Variants in ST7 observed in about 807,000 individuals in gnomAD.
ST7 encodes the protein suppressor of tumorigenicity 7 protein.
Under a neutral mutation model 78.7 loss-of-function variants are expected in ST7, and 28 were observed. That is an observed-to-expected ratio of 0.36 (90% confidence interval 0.26 to 0.49). ST7 has a LOEUF of 0.49. Among genes scored for constraint, ST7 ranks in the 20% least tolerant of loss-of-function variants. The pLI is 0.99. For missense variants in ST7, 418 were observed against 696.0 expected (o/e 0.60, Z 4.49); for synonymous variants, 247 against 249.6 (o/e 0.99, Z 0.10).
intron 15 of ST7, among the ~76,000 whole-genome samples, chr7:117,225,185 C>T (rs1376790753): frequency 3.9e-5 from 6 of 152,088 alleles, no homozygotes. Flanking sequence ...TCCAGAGTAT[C>T]GGAGAGGGGT....
intron 1 of ST7, among the ~76,000 whole-genome samples, chr7:117,039,423 A>C (rs1454660632): frequency 2.0e-5 from 3 of 152,122 alleles, no homozygotes; most frequent in Non-Finnish European, 1.5e-5. Context: ...AAAAATAAAA[A>C]ATTAGCTGAG....
chr7:117,166,264 T>C (rs1292053252), intron 9 of ST7, among the ~76,000 whole-genome samples: 4 of 152,150 alleles, frequency 2.6e-5, no homozygotes, highest in African/African-American at 9.7e-5. Flanking sequence ...AGCATGATTT[T>C]ATTACAAAAT....
At chr7:116,970,339 C>G (rs1793353528) in intron 1 of ST7, among the ~76,000 whole-genome samples, 1 of 152,154 alleles carries the variant, frequency 6.6e-6, no homozygotes, top group South Asian at 2.1e-4. Flanking sequence ...AAGTTTTGTG[C>G]TTAGTCAGTT....
chr7:117,065,855 C>G (rs181205628), intron 1 of ST7, among the ~76,000 whole-genome samples: 42 of 152,280 alleles, frequency 2.8e-4, no homozygotes, highest in African/African-American at 9.9e-4. Context: ...TTTTGGTCTT[C>G]AAGACCCAGC....
chr7:117,119,120 G>A (rs1803153869), intron 2 of ST7, among the ~76,000 whole-genome samples: 1 of 152,018 alleles, frequency 6.6e-6, no homozygotes, highest in Admixed American at 6.5e-5. Flanking sequence ...CCCCTACCCC[G>A]ATTTTGCTCT....
intron 1 of ST7, among the ~76,000 whole-genome samples, chr7:116,961,505 A>G (rs969164614): frequency 2.0e-5 from 3 of 150,686 alleles, no homozygotes; most frequent in Non-Finnish European, 4.4e-5. Flanking sequence ...GCAGTGTTTT[A>G]TAGTTCTTCG....
intron 10 of ST7, among the ~76,000 whole-genome samples, chr7:117,179,648 T>G: frequency 6.9e-6 from 1 of 144,514 alleles, no homozygotes. Context: ...AGCAGAGGGA[T>G]GAGGAGGGAT....
At chr7:117,187,634 T>C (rs1328654053) in intron 10 of ST7, 2 of 152,214 alleles carry the variant, frequency 1.3e-5, no homozygotes, top group South Asian at 2.1e-4. Flanking sequence ...TTTGATTGAT[T>C]AGATAACCAT....
chr7:117,136,871 A>T (rs1804833153), intron 8 of ST7: 1 of 152,364 alleles, frequency 6.6e-6, no homozygotes, highest in Admixed American at 6.6e-5. Context: ...ACTAAACTGA[A>T]AGCCAATGAC....
chr7:117,226,105 C>A (rs1310131284), intron 15 of ST7, among the ~76,000 whole-genome samples: 1 of 152,096 alleles, frequency 6.6e-6, no homozygotes, highest in Non-Finnish European at 1.5e-5. Flanking sequence ...TAGTCCTCGA[C>A]CTCTTTGAAG....
Position 116,953,509 on chromosome 7 carries a change from A to C in ST7, c.-32A>C. The C allele has an allele frequency of 7.7e-7, 1 of 1,298,990 alleles. No homozygotes were observed. Among genetic ancestry groups the C allele is most frequent in the Non-Finnish European group, 1.0e-6 (1 of 996,474 alleles). 80.5% of individuals were successfully genotyped at this position (1,298,990 alleles called of 1,614,324 possible). On this transcript the variant is annotated 5_prime_UTR_variant, in exon 1 of 16. Transcript: ENST00000323984. Reference sequence around the variant, plus strand: ...CGGTGAATCATCCCGGCAGACACCAAGAGCCGCGGCAGCAGAGAGGAGCGC... The same window carrying C: ...CGGTGAATCATCCCGGCAGACACCACGAGCCGCGGCAGCAGAGAGGAGCGC...
At chr7:117,134,991 T>C (rs952463060) in intron 7 of ST7, among the ~76,000 whole-genome samples, 1 of 152,086 alleles carries the variant, frequency 6.6e-6, no homozygotes, top group African/African-American at 2.4e-5. Flanking sequence ...CCTAGCTGGC[T>C]ATTGCAGTTT....
chr7:117,156,986 A>C (rs1806743496), intron 9 of ST7, among the ~76,000 whole-genome samples: 1 of 152,210 alleles, frequency 6.6e-6, no homozygotes, highest in South Asian at 2.1e-4. Context: ...AAGGTAAAAC[A>C]CTAAGAGTCT....
intron 9 of ST7, among the ~76,000 whole-genome samples, chr7:117,150,364 G>T (rs1279416578): frequency 6.6e-6 from 1 of 152,018 alleles, no homozygotes; most frequent in Non-Finnish European, 1.5e-5. Context: ...GCTTTACATT[G>T]CCTAAAAATT....
At chr7:117,173,105 A>T (rs1344555533) in intron 10 of ST7, among the ~76,000 whole-genome samples, 1 of 152,180 alleles carries the variant, frequency 6.6e-6, no homozygotes, top group African/African-American at 2.4e-5. Context: ...ACTTTGAAAA[A>T]TTCTTTTGTT....
intron 1 of ST7, among the ~76,000 whole-genome samples, chr7:117,097,189 A>G (rs1801111570): frequency 6.6e-6 from 1 of 152,136 alleles, no homozygotes; most frequent in South Asian, 2.1e-4. Context: ...AAGCACTTCT[A>G]ATTTAGACAA....
intron 1 of ST7, among the ~76,000 whole-genome samples, chr7:117,058,563 C>T (rs1016385039): frequency 1.3e-5 from 2 of 151,962 alleles, no homozygotes; most frequent in Non-Finnish European, 2.9e-5. Context: ...TAAGAGGAAG[C>T]CAATTATCAA....
chr7:117,085,701 A>AAT (rs1186487103), intron 1 of ST7, among the ~76,000 whole-genome samples: 3 of 152,208 alleles, frequency 2.0e-5, no homozygotes, highest in Non-Finnish European at 2.9e-5. Flanking sequence ...TAGCAAATTG[A>AAT]ATATAGAGGT....
At chr7:117,196,024 C>T (rs951981265) in intron 12 of ST7, among the ~76,000 whole-genome samples, 6 of 152,222 alleles carry the variant, frequency 3.9e-5, no homozygotes, top group South Asian at 2.1e-4. Context: ...TTTGTCTTTC[C>T]GTGACTGGCT....
Sources: allele counts gnomAD v4.1 joint callset (sites outside exome capture counted in the v4.1 genomes callset), GRCh38; gene constraint gnomAD v4.1.1; transcripts MANE v1.5; gene names NCBI Gene and HGNC (gene_info 2026-07-23, HGNC 2026-07-21).